Variants in RPA1 observed in about 807,000 individuals in gnomAD.
The protein encoded by RPA1 is replication protein A1, also known as replication protein A 70 kDa DNA-binding subunit.
RPA1 carries 49 observed loss-of-function variants against 83.0 expected under a neutral mutation model. The ratio of observed to expected loss-of-function variants is 0.59; its 90% CI spans 0.47 to 0.75. The LOEUF is 0.75. RPA1 is among the 30% of genes least tolerant of loss of function. The pLI is 0.00. For missense variants in RPA1, 693 were observed against 776.1 expected (o/e 0.89, Z 1.27); for synonymous variants, 279 against 281.8 (o/e 0.99, Z 0.10).
rs977640796 is a variant in RPA1 at position 1,847,791 on chromosome 17, C to T, written c.272+3105C>T. 3.9e-5 allele frequency among the ~76,000 whole-genome samples: 6 copies of T among 152,024 alleles called. 1 individual carries two copies. The highest frequency in any genetic ancestry group is 2.1e-4 in the South Asian group (1 of 4,806). On this transcript the variant is annotated intron_variant, in intron 4 of 16. Transcript: ENST00000254719. ...ATCCCAGCACTTTGAGAGGCTGAGGCGGGGCAGATCACAAGGACAGGAGAT... is the reference window on the plus strand; with the variant it reads ...ATCCCAGCACTTTGAGAGGCTGAGGTGGGGCAGATCACAAGGACAGGAGAT...
chr17:1,831,763 T>C (rs1399399224), intron 1 of RPA1, among the ~76,000 whole-genome samples: 1 of 151,612 alleles, frequency 6.6e-6, no homozygotes, highest in Non-Finnish European at 1.5e-5. Flanking sequence ...CACGCCCGGC[T>C]AATTTTTTGT....
intron 1 of RPA1, among the ~76,000 whole-genome samples, chr17:1,831,144 A>C (rs1485569901): frequency 6.6e-6 from 1 of 152,234 alleles, no homozygotes; most frequent in South Asian, 2.1e-4. Context: ...CTTTACTCTA[A>C]AAGACAAACT....
Position 1,883,866 on chromosome 17 carries a change from C to T in RPA1, c.1296C>T (p.Ser432=), listed in dbSNP as rs1042388915. Residue 432 remains serine (S), a synonymous_variant, in exon 13 of 17, where the codon AGC becomes AGT. Transcript: ENST00000254719. ...LDGVSISDLK[S]GGVGGSNTNW... ...GTGTTTCCATCTCTGATCTAAAGAG[C>T]GGCGGAGTCGGAGGGAGTAACACCA... 17 of 1,613,982 alleles carry T rather than the reference C, an allele frequency of 1.1e-5. No individual in the cohort carries two copies. The highest frequency in any genetic ancestry group is 6.7e-5 in the East Asian group (3 of 44,896).
chr17:1,842,947 T>C, intron 2 of RPA1, 94 bp downstream of exon 2: 1 of 1,346,920 alleles, frequency 7.4e-7, no homozygotes, highest in Non-Finnish European at 1.1e-6. Context: ...ATTTGTCCAC[T>C]TTCGGAAATT....
chr17:1,837,069 C>T (rs1567799470), intron 1 of RPA1, among the ~76,000 whole-genome samples: 1 of 151,976 alleles, frequency 6.6e-6, no homozygotes, highest in African/African-American at 2.4e-5. Flanking sequence ...ATCTCTTGAC[C>T]TCGTGATCCA....
chr17:1,895,813 G>A (rs779059935), intron 16 of RPA1, among the ~76,000 whole-genome samples: 30 of 151,854 alleles, frequency 2.0e-4, no homozygotes, highest in Non-Finnish European at 4.0e-4. Flanking sequence ...CCCTCGAGTA[G>A]CTGGGATTAC....
intron 5 of RPA1, among the ~76,000 whole-genome samples, chr17:1,865,867 T>C (rs1913157179): frequency 6.6e-6 from 1 of 152,146 alleles, no homozygotes; most frequent in African/African-American, 2.4e-5. Context: ...ACTCCTGGGC[T>C]CAAGCGATTC....
chr17:1,896,639 C>G (rs964860334), intron 16 of RPA1, among the ~76,000 whole-genome samples: 1 of 152,180 alleles, frequency 6.6e-6, no homozygotes, highest in Non-Finnish European at 1.5e-5. Context: ...ACTCGGTCCT[C>G]TCCCTCTGCT....
chr17:1,833,236 G>A (rs1911688608), intron 1 of RPA1, among the ~76,000 whole-genome samples: 1 of 152,130 alleles, frequency 6.6e-6, no homozygotes, highest in African/African-American at 2.4e-5. Context: ...AATACTTTGT[G>A]TAAATTCCAT....
intron 13 of RPA1, among the ~76,000 whole-genome samples, chr17:1,887,706 G>T (rs1422125290): frequency 6.6e-6 from 1 of 151,808 alleles, no homozygotes. Flanking sequence ...TACCCAACAT[G>T]GCAAAACCCC....
intron 5 of RPA1, among the ~76,000 whole-genome samples, chr17:1,864,648 A>G (rs143870272): frequency 5.9e-5 from 9 of 152,118 alleles, no homozygotes; most frequent in African/African-American, 2.2e-4. Context: ...AATTGAACCC[A>G]GTAATTCTTA....
At chr17:1,868,248 C>A (rs75213191) in intron 5 of RPA1, among the ~76,000 whole-genome samples, 2 of 152,348 alleles carry the variant, frequency 1.3e-5, no homozygotes, top group East Asian at 3.9e-4. Context: ...GTAACCAGAT[C>A]AGTGAGCCAG....
chr17:1,866,504 ATGGG>A (rs2151281437), intron 5 of RPA1, among the ~76,000 whole-genome samples: 1 of 152,224 alleles, frequency 6.6e-6, no homozygotes, highest in South Asian at 2.1e-4. Context: ...TTTAGTAGAG[ATGGG>A]GTTTTACCAT....
chr17:1,837,080 C>T (rs1382545408), intron 1 of RPA1, among the ~76,000 whole-genome samples: 5 of 152,078 alleles, frequency 3.3e-5, no homozygotes, highest in Admixed American at 2.6e-4. Context: ...TCGTGATCCA[C>T]CCGCCTCAGC....
At chr17:1,878,599 C>T (rs1464172614) in intron 8 of RPA1, among the ~76,000 whole-genome samples, 1 of 152,186 alleles carries the variant, frequency 6.6e-6, no homozygotes, top group East Asian at 1.9e-4. Flanking sequence ...TGGAGGGAGC[C>T]GGTGAATCAC....
rs965222505 is a variant in RPA1 at position 1,831,700 on chromosome 17, G to T, written c.33+1574G>T. Among the ~76,000 whole-genome samples the T allele has an allele frequency of 2.0e-5, 3 of 149,920 alleles. No homozygotes were observed. The Admixed American group carries it at 2.0e-4, about 10-fold the overall frequency. On this transcript the variant is annotated intron_variant, in intron 1 of 16. Transcript: ENST00000254719. ...TGCAAGCTCTGCCTCCTGGGTTCAC[G>T]CCATTCTCCTGTCTCAGCCTCCCGA...
At chr17:1,869,864 G>A (rs12944532) in intron 5 of RPA1, among the ~76,000 whole-genome samples, 2 of 152,200 alleles carry the variant, frequency 1.3e-5, no homozygotes, top group East Asian at 3.8e-4. Context: ...GCTCCGGGCT[G>A]TCTCTCGTCT....
intron 1 of RPA1, among the ~76,000 whole-genome samples, chr17:1,835,872 C>A (rs1280708302): frequency 6.6e-6 from 1 of 152,110 alleles, no homozygotes. Flanking sequence ...TGTGTACTCT[C>A]AGCACTTGGG....
rs1261683316 is a variant in RPA1, at chr17:1,880,652, C to T, written c.1202C>T (p.Ala401Val). The change falls in exon 12 of 17, where the codon GCG becomes GTG. Residue 401 changes from alanine (A) to valine (V), a missense_variant. Physicochemically the swap from Ala to Val is moderately conservative, Grantham distance 64. Transcript: ENST00000254719. ...GTGCTGTCTTCAAGCACTATCATTG[C>T]GAATCCTGACATCCCAGAGGCCTAT... ...LSVLSSSTII[A>V]NPDIPEAYKL... 5.0e-6 allele frequency: 8 copies of T among 1,613,934 alleles called. No homozygotes were observed. Among genetic ancestry groups the T allele is most frequent in the East Asian group, 2.2e-5 (1 of 44,878 alleles).
Sources: gnomAD v4.1 joint callset for allele counts (sites outside exome capture counted in the v4.1 genomes callset) on GRCh38, gnomAD v4.1.1 for gene constraint, MANE v1.5 for transcripts, NCBI Gene and HGNC (gene_info 2026-07-23, HGNC 2026-07-21) for gene names.